The following HSF5 variants were observed in gnomAD, a reference collection of about 807,000 sequenced individuals.
The protein encoded by HSF5 is heat shock transcription factor 5, also known as heat shock factor protein 5.
Under a neutral mutation model 50.8 loss-of-function variants are expected in HSF5, and 5 were observed. That is an observed-to-expected ratio of 0.10 (90% confidence interval 0.05 to 0.21). HSF5 has a LOEUF of 0.21. Ranked by LOEUF, HSF5 falls within the 10% of genes least tolerant of loss-of-function variation. The probability of loss-of-function intolerance (pLI) is 1.00; values close to 1 mark genes in which losing one functional copy is unlikely to be tolerated. For synonymous variants in HSF5, 307 were observed against 307.4 expected (o/e 1.00, Z 0.02); for missense variants, 564 against 762.6 (o/e 0.74, Z 3.07).
At position 58,466,882 on chromosome 17, in the gene HSF5, T is replaced by C; in HGVS notation, c.1020+3A>G. ...AGCATGGCCACAGTTGCAAGAATCT[T>C]ACCTGGAAGTAGTTGCAGTGTGCAT... On this transcript the variant is annotated splice_donor_region_variant and intron_variant, in intron 3 of 5. Coordinates refer to ENST00000323777, the MANE Select transcript of HSF5 (RefSeq NM_001080439.3). 6.4e-7 allele frequency: 1 copy of C among 1,568,570 alleles called. No homozygotes were observed. Among genetic ancestry groups the C allele is most frequent in the Non-Finnish European group, 8.8e-7 (1 of 1,138,626 alleles).
In HSF5 at chr17:58,488,118, G is replaced by C. The variant is rs1304093926; in HGVS notation, c.157C>G (p.Pro53Ala). ...CCGCCACCGCCCCCCGGCCCGGGCG[G>C]GCTGAGCAGCTCGGCCTCGAAGAGC... is the stretch of plus-strand genomic sequence containing the variant. ...QPLFEAELLS[P>A]PGPGGGGGTA... The change falls in exon 1 of 6, where the codon CCG becomes GCG. Residue 53 changes from proline to alanine, a missense_variant. Around this residue, in one of 5 missense-constraint regions of HSF5, gnomAD observed 72 missense variants for 110.9 expected, o/e 0.65. Transcript: ENST00000323777. The surrounding 1 kb of genome is among the most constrained non-coding windows in gnomAD (Gnocchi z 4.1). 1.3e-6 allele frequency: 2 copies of C among 1,574,130 alleles called. No individual in the cohort carries two copies. The highest frequency in any genetic ancestry group is 1.7e-6 in the Non-Finnish European group (2 of 1,168,688).
chr17:58,477,729 G>T (rs369119217), intron 2 of HSF5, among the ~76,000 whole-genome samples: 28 of 151,808 alleles, frequency 1.8e-4, no homozygotes, highest in East Asian at 9.7e-4. Context: ...CAAAGTGTTG[G>T]GATTATAGGC....
intron 5 of HSF5, among the ~76,000 whole-genome samples, chr17:58,456,509 C>A (rs1343787572): frequency 6.6e-6 from 1 of 151,848 alleles, no homozygotes; most frequent in African/African-American, 2.4e-5. Flanking sequence ...ATAATTGTAG[C>A]AAATAACAAT....
At chr17:58,430,044 C>G (rs1974342890) in intron 5 of HSF5, among the ~76,000 whole-genome samples, 1 of 151,826 alleles carries the variant, frequency 6.6e-6, no homozygotes, top group African/African-American at 2.4e-5. Context: ...AGAGCATTAT[C>G]TTTGTTTTTT....
chr17:58,456,669 CATAA>C (rs1215460236), intron 5 of HSF5, among the ~76,000 whole-genome samples: 3 of 151,946 alleles, frequency 2.0e-5, no homozygotes, highest in Admixed American at 2.0e-4. Context: ...CATTGTACCT[CATAA>C]ATATGTACAA....
rs192256645 is a variant in HSF5 at position 58,443,421 on chromosome 17, C to T, written c.1720+15347G>A. On this transcript the variant is annotated intron_variant, in intron 5 of 5. Transcript: ENST00000323777. ...GAAACATCCAATTTCTACCTACCAACGCTCTTCAGAAGGAGGCAAGGATAT... is the reference window on the plus strand; with the variant it reads ...GAAACATCCAATTTCTACCTACCAATGCTCTTCAGAAGGAGGCAAGGATAT... Among the ~76,000 whole-genome samples the T allele has an allele frequency of 1.3e-3, 200 of 152,232 alleles. 1 individual carries two copies. Among genetic ancestry groups the T allele is most frequent in the Admixed American group, 8.8e-3 (135 of 15,284 alleles).
At chr17:58,435,898 CA>C (rs11458311) in intron 5 of HSF5, among the ~76,000 whole-genome samples, 1,763 of 60,232 alleles carry the variant, frequency 0.029, 7 homozygotes, top group Middle Eastern at 0.042. Flanking sequence ...GACTCCATCT[CA>C]AAAAAAAAAA....
In HSF5 at chr17:58,445,183, T is replaced by C. The variant is rs141194431; in HGVS notation, c.1720+13585A>G. Among the ~76,000 whole-genome samples the C allele has an allele frequency of 1.2e-4, 19 of 152,306 alleles. No individual in the cohort carries two copies. The East Asian group carries it at 3.7e-3, about 29-fold the overall frequency. ...TGGGATTATAAAATAGTATAGCAGCTATGAAAAACAGTACAGAGTTTCCTA... is the reference window on the plus strand; with the variant it reads ...TGGGATTATAAAATAGTATAGCAGCCATGAAAAACAGTACAGAGTTTCCTA... On this transcript the variant is annotated intron_variant, in intron 5 of 5. Coordinates refer to ENST00000323777, the MANE Select transcript of HSF5 (RefSeq NM_001080439.3).
At chr17:58,481,941 A>G (rs1975103140) in intron 1 of HSF5, among the ~76,000 whole-genome samples, 1 of 152,168 alleles carries the variant, frequency 6.6e-6, no homozygotes, top group Non-Finnish European at 1.5e-5. Flanking sequence ...TGGAGGTTGC[A>G]GTAAGCTGAG....
chr17:58,434,500 G>A (rs1294215927), intron 5 of HSF5, among the ~76,000 whole-genome samples: 6 of 150,812 alleles, frequency 4.0e-5, no homozygotes, highest in African/African-American at 9.8e-5. Flanking sequence ...GCAGTGAGCC[G>A]AGATCTTGCC....
intron 5 of HSF5, among the ~76,000 whole-genome samples, chr17:58,441,697 C>T (rs1035052266): frequency 2.6e-5 from 4 of 152,160 alleles, no homozygotes; most frequent in Admixed American, 1.3e-4. Context: ...TGGAAGGGAA[C>T]GCCAGAGGTG....
intron 5 of HSF5, among the ~76,000 whole-genome samples, chr17:58,451,024 G>A (rs552545354): frequency 1.3e-5 from 2 of 152,314 alleles, no homozygotes; most frequent in Admixed American, 6.5e-5. Flanking sequence ...GGGAGGCGGA[G>A]GTTGTAGTGA....
At chr17:58,446,302 A>T (rs551729952) in intron 5 of HSF5, among the ~76,000 whole-genome samples, 2 of 152,314 alleles carry the variant, frequency 1.3e-5, no homozygotes, top group Non-Finnish European at 2.9e-5. Context: ...GCCTGGATTT[A>T]GCATAACAAG....
At chr17:58,459,310 C>T (rs1567912683) in intron 4 of HSF5, among the ~76,000 whole-genome samples, 1 of 151,748 alleles carries the variant, frequency 6.6e-6, no homozygotes, top group African/African-American at 2.4e-5. Flanking sequence ...CTCAAGTGAT[C>T]CTCCTGAGCA....
intron 2 of HSF5, among the ~76,000 whole-genome samples, chr17:58,473,407 T>C (rs1974973905): frequency 6.6e-6 from 1 of 152,176 alleles, no homozygotes; most frequent in Admixed American, 6.5e-5. Flanking sequence ...TAGGATTCTA[T>C]ATATAAAGAT....
Position 58,421,099 on chromosome 17 carries a change from A to G in HSF5, c.*1261T>C, listed in dbSNP as rs1974225176. ...GGTCAATTGAAAGACTTTAAATCAG[A>G]AAGTTTCTTGCTGTCACTGGATAAG... is the stretch of plus-strand genomic sequence containing the variant. On this transcript the variant is annotated 3_prime_UTR_variant, in exon 6 of 6. Transcript: ENST00000323777. 6.6e-6 allele frequency: 1 copy of G among 152,648 alleles called. No individual in the cohort carries two copies. Among genetic ancestry groups the G allele is most frequent in the Admixed American group, 6.5e-5 (1 of 15,290 alleles). 9.5% of individuals were successfully genotyped at this position (152,648 alleles called of 1,614,324 possible).
chr17:58,434,192 C>T lies in HSF5; in HGVS notation c.1721-11762G>A, dbSNP rs550397728. ...CCTCCCAAAGTGCTGGGATTACAGGCGTGAGCCACTGTGCCTGGCCCAAAG... is the reference window on the plus strand; with the variant it reads ...CCTCCCAAAGTGCTGGGATTACAGGTGTGAGCCACTGTGCCTGGCCCAAAG... On this transcript the variant is annotated intron_variant, in intron 5 of 5. Transcript: ENST00000323777. 7.3e-4 allele frequency among the ~76,000 whole-genome samples: 111 copies of T among 151,958 alleles called. 2 individuals carry two copies. In the South Asian group the frequency reaches 0.021, roughly 29 times the overall value.
At chr17:58,456,337 T>C (rs1364698734) in intron 5 of HSF5, among the ~76,000 whole-genome samples, 1 of 152,076 alleles carries the variant, frequency 6.6e-6, no homozygotes, top group Non-Finnish European at 1.5e-5. Flanking sequence ...CTACATGATC[T>C]TACTCATATA....
At chr17:58,422,568 A>G (rs1351822830) in intron 5 of HSF5, 138 bp from the exon 6 acceptor site, 1 of 588,970 alleles carries the variant, frequency 1.7e-6, no homozygotes, top group Non-Finnish European at 2.9e-6. Flanking sequence ...TCAGATTCTC[A>G]ATTTCGGGAT....
Sources: gnomAD v4.1 joint callset for allele counts (sites outside exome capture counted in the v4.1 genomes callset) on GRCh38, gnomAD v4.1.1 for gene constraint, gnomAD v4.1.1 regional missense constraint, Gnocchi (gnomAD v3.1) non-coding constraint, MANE v1.5 for transcripts, NCBI Gene and HGNC (gene_info 2026-07-23, HGNC 2026-07-21) for gene names.